The following FAM124A variants were observed in gnomAD, a reference collection of about 807,000 sequenced individuals.
The protein encoded by FAM124A is protein FAM124A.
Under a neutral mutation model 24.5 loss-of-function variants are expected in FAM124A, and 23 were observed. The ratio of observed to expected loss-of-function variants is 0.94; its 90% confidence interval spans 0.68 to 1.33. The LOEUF (loss-of-function observed/expected upper bound fraction) is 1.33. FAM124A is among the 40% of genes most tolerant of loss of function. The pLI, the probability that FAM124A is intolerant of heterozygous loss-of-function variation, is 0.00. For synonymous variants in FAM124A, 287 were observed against 314.7 expected (o/e 0.91, Z 0.93); for missense variants, 623 against 722.8 (o/e 0.86, Z 1.58).
chr13:51,230,595 A>G (rs1294877915), intron 1 of FAM124A, among the ~76,000 whole-genome samples: 1 of 152,224 alleles, frequency 6.6e-6, no homozygotes, highest in Non-Finnish European at 1.5e-5. Context: ...GCCAGAGAGG[A>G]AAGTCTTAAC....
chr13:51,275,085 G>A (rs1461859279), intron 3 of FAM124A, among the ~76,000 whole-genome samples: 1 of 152,046 alleles, frequency 6.6e-6, no homozygotes, highest in Non-Finnish European at 1.5e-5. Flanking sequence ...TTAAAATAGA[G>A]CAAGGGGCCA....
chr13:51,277,651 G>A (rs577308321), intron 3 of FAM124A, among the ~76,000 whole-genome samples: 3 of 152,270 alleles, frequency 2.0e-5, no homozygotes, highest in South Asian at 2.1e-4. Context: ...AAAATTAGCC[G>A]GGTGTGGTGG....
intron 2 of FAM124A, among the ~76,000 whole-genome samples, chr13:51,237,918 C>T (rs1352304634): frequency 6.6e-6 from 1 of 152,222 alleles, no homozygotes; most frequent in Non-Finnish European, 1.5e-5. Context: ...GGCCCTGCTG[C>T]TGGTGGCTCT....
chr13:51,248,353 A>G (rs1045855994), intron 2 of FAM124A, among the ~76,000 whole-genome samples: 2 of 152,100 alleles, frequency 1.3e-5, no homozygotes, highest in Non-Finnish European at 2.9e-5. Flanking sequence ...CTGGCCTGCC[A>G]TTTGCATCTT....
At chr13:51,250,609 C>A (rs1954609542) in intron 2 of FAM124A, among the ~76,000 whole-genome samples, 1 of 152,152 alleles carries the variant, frequency 6.6e-6, no homozygotes, top group Admixed American at 6.5e-5. Flanking sequence ...GGTAACCGAC[C>A]CATTCAAGTT....
rs1954845618 is a variant in FAM124A, at chr13:51,272,178, A to G, written c.835-8272A>G. Among the ~76,000 whole-genome samples the G allele has an allele frequency of 6.6e-6, 1 of 152,148 alleles. No individual in the cohort carries two copies. The highest frequency in any genetic ancestry group is 2.1e-4 in the South Asian group (1 of 4,828). ...GCAGGCTGGGTGGCCCAGTTCAGCAAAACCAGAATATCCTTTTCCCCCTAT... is the reference window on the plus strand; with the variant it reads ...GCAGGCTGGGTGGCCCAGTTCAGCAGAACCAGAATATCCTTTTCCCCCTAT... On this transcript the variant is annotated intron_variant, in intron 3 of 3. Coordinates refer to ENST00000322475, the MANE Select transcript of FAM124A (RefSeq NM_001242312.2). This position sits in a 1 kb window ranked among gnomAD's most constrained non-coding sequence, Gnocchi z 4.2.
chr13:51,224,950 G>A (rs1042125361), intron 1 of FAM124A, among the ~76,000 whole-genome samples: 16 of 151,990 alleles, frequency 1.1e-4, no homozygotes, highest in African/African-American at 3.9e-4. Context: ...CTTCCCACCT[G>A]ACTTGCCTGT....
chr13:51,266,252 G>A (rs1954784930), intron 3 of FAM124A, among the ~76,000 whole-genome samples: 1 of 152,154 alleles, frequency 6.6e-6, no homozygotes, highest in African/African-American at 2.4e-5. Context: ...TCATCTGCTA[G>A]GTAAAACATA....
At chr13:51,233,122 G>T (rs1001418772) in intron 2 of FAM124A, among the ~76,000 whole-genome samples, 17 of 152,054 alleles carry the variant, frequency 1.1e-4, no homozygotes, top group African/African-American at 3.9e-4. Flanking sequence ...GAAAATGATG[G>T]CTAAACAAGT....
chr13:51,242,279 T>C (rs1954505169), intron 2 of FAM124A, among the ~76,000 whole-genome samples: 1 of 152,200 alleles, frequency 6.6e-6, no homozygotes, highest in African/African-American at 2.4e-5. Context: ...AGAATTAAAA[T>C]TACTGAGTAG....
intron 2 of FAM124A, among the ~76,000 whole-genome samples, chr13:51,240,793 C>T (rs979025367): frequency 3.9e-5 from 6 of 152,190 alleles, no homozygotes; most frequent in East Asian, 1.9e-4. Flanking sequence ...CCGCCCTCAC[C>T]CCCTAACAAG....
chr13:51,282,704 GAC>G lies in FAM124A; in HGVS notation c.*1449_*1450del, dbSNP rs1184544606. ...ACAGCCTCAGAGTCCTTTCCAACAC[GAC>G]CCTCCAGGCAGCAGTTACCAACCAT... On this transcript the variant is annotated 3_prime_UTR_variant, in exon 4 of 4. Transcript: ENST00000322475. 3 of 152,146 alleles carry G rather than the reference GAC, an allele frequency of 2.0e-5. No homozygotes were observed. The highest frequency in any genetic ancestry group is 4.4e-5 in the Non-Finnish European group (3 of 68,076). 9.4% of individuals were successfully genotyped at this position (152,146 alleles called of 1,614,324 possible). A position where few individuals can be genotyped will look rare whatever the true frequency, so the allele number is the denominator to read the frequency against.
chr13:51,242,899 CCTT>C (rs1447414743), intron 2 of FAM124A, among the ~76,000 whole-genome samples: 2 of 152,060 alleles, frequency 1.3e-5, no homozygotes, highest in East Asian at 1.9e-4. Context: ...GCAAAGCCAC[CCTT>C]CTTATAAAAG....
At chr13:51,276,402 A>G (rs959609455) in intron 3 of FAM124A, among the ~76,000 whole-genome samples, 3 of 152,356 alleles carry the variant, frequency 2.0e-5, no homozygotes, top group East Asian at 1.9e-4. Context: ...CACTTCCATA[A>G]TAGCGACAGG....
rs1406349102 is a variant in FAM124A at position 51,281,003 on chromosome 13, G to A, written c.1388G>A (p.Gly463Glu). The A allele has an allele frequency of 6.2e-7, 1 of 1,614,020 alleles. No homozygotes were observed. Among genetic ancestry groups the A allele is most frequent in the Non-Finnish European group, 8.5e-7 (1 of 1,179,984 alleles). The change falls in exon 4 of 4, where the codon GGA (glycine) becomes GAA (glutamate). Residue 463 changes from glycine (G) to glutamate (E), a missense_variant. By Grantham distance (98) the Gly-to-Glu change is moderately conservative. Transcript: ENST00000322475. ...HWAAHKDSRE[G>E]PLPTVSRVTT... The stretch of plus-strand genomic sequence containing the variant: ...GCAGCTCACAAGGATTCCAGGGAGG[G>A]ACCACTGCCCACTGTCAGCAGGGTG...
rs751391739 is a variant in FAM124A at position 51,281,091 on chromosome 13, G to A, written c.1476G>A (p.Ala492=). Residue 492 remains alanine, a synonymous_variant, in exon 4 of 4, where the codon GCG becomes GCA. Coordinates refer to ENST00000322475, the MANE Select transcript of FAM124A (RefSeq NM_001242312.2). Reference sequence around the variant, plus strand: ...CCAAAAGGTCTTCCAGCTCCTCAGCGACAGCTCGTGCTGCTCCCCCAGCTC... The same window carrying A: ...CCAAAAGGTCTTCCAGCTCCTCAGCAACAGCTCGTGCTGCTCCCCCAGCTC... The part of the protein sequence containing the change: ...FFTKRSSSSS[A]TARAAPPAPS... 7 of 1,613,912 alleles carry A rather than the reference G, an allele frequency of 4.3e-6. No individual in the cohort carries two copies. The highest frequency in any genetic ancestry group is 4.0e-5 in the African/African-American group (3 of 74,850).
At chr13:51,250,192 A>G (rs10492519) in intron 2 of FAM124A, among the ~76,000 whole-genome samples, 45,984 of 151,962 alleles carry the variant, frequency 0.3, 8,831 homozygotes, top group Non-Finnish European at 0.43. Flanking sequence ...TACCATAAAA[A>G]AATTTTCATC....
chr13:51,243,787 C>G (rs9563039), intron 2 of FAM124A, among the ~76,000 whole-genome samples: 1 of 152,078 alleles, frequency 6.6e-6, no homozygotes, highest in Non-Finnish European at 1.5e-5. Flanking sequence ...CCACCTGCCT[C>G]GATCTCCGAA....
chr13:51,283,806 C>T lies in FAM124A; in HGVS notation c.*2550C>T, dbSNP rs992247141. On this transcript the variant is annotated 3_prime_UTR_variant, in exon 4 of 4. Transcript: ENST00000322475. The stretch of plus-strand genomic sequence containing the variant: ...AAAAAAAAAAAAAAAGGCTAATGGC[C>T]GAGGGCTGGCTCCTTCTTTCTCCCT... The T allele has an allele frequency of 2.1e-5, 3 of 140,490 alleles. No individual in the cohort carries two copies. Among genetic ancestry groups the T allele is most frequent in the Non-Finnish European group, 4.5e-5 (3 of 66,154 alleles). 8.7% of individuals were successfully genotyped at this position (140,490 alleles called of 1,614,324 possible). A position where few individuals can be genotyped will look rare whatever the true frequency, so the allele number is the denominator to read the frequency against.
Sources: allele counts gnomAD v4.1 joint callset (sites outside exome capture counted in the v4.1 genomes callset), GRCh38; gene constraint gnomAD v4.1.1; non-coding constraint Gnocchi (gnomAD v3.1); transcripts MANE v1.5; gene names NCBI Gene and HGNC (gene_info 2026-07-23, HGNC 2026-07-21).